NFIC: variants seen among roughly 807,000 people sequenced by gnomAD.
NFIC encodes the protein nuclear factor I C, also known as nuclear factor 1 C-type.
NFIC carries 12 observed loss-of-function variants against 54.4 expected under a neutral mutation model. The ratio of observed to expected loss-of-function variants is 0.22; its 90% CI spans 0.14 to 0.36. The LOEUF (loss-of-function observed/expected upper bound fraction) is 0.36, where lower values mean the gene tolerates loss of function less well. NFIC is among the 10% of genes least tolerant of loss of function. The pLI is 1.00. For missense variants in NFIC, 575 were observed against 718.2 expected, an observed-to-expected ratio of 0.80 and a Z score of 2.28; for synonymous variants, 322 against 319.2, an observed-to-expected ratio of 1.01 and a Z score of -0.09.
At chr19:3,363,267 ATATTTT>A (rs1350799610), upstream of NFIC, among the ~76,000 whole-genome samples, 94 of 47,028 alleles carry the variant, frequency 2.0e-3, no homozygotes, top group African/African-American at 8.3e-3. Context: ...ATATATATAT[ATATTTT>A]TTTTTTTTTT....
rs186795253 is a variant in NFIC at position 3,368,040 on chromosome 19, C to T, written c.30+1374C>T. On this transcript the variant is annotated intron_variant, in intron 1 of 10. Transcript: ENST00000443272. ...GACCTTGGGTAAGTCCCTGTCCCAG[C>T]CTCAGTTTCCCTTTCTGAGCAGCTT... Among the ~76,000 whole-genome samples, 12 of 149,902 alleles carry T rather than the reference C, an allele frequency of 8.0e-5. No individual in the cohort carries two copies. In the East Asian group the frequency reaches 2.0e-3, roughly 25 times the overall value.
chr19:3,404,596 C>A (rs1174957847), intron 2 of NFIC, among the ~76,000 whole-genome samples: 1 of 152,046 alleles, frequency 6.6e-6, no homozygotes, highest in Non-Finnish European at 1.5e-5. Context: ...TGTCCCCCCA[C>A]CCCCACCCCA....
chr19:3,387,726 A>T (rs895945301), intron 2 of NFIC, among the ~76,000 whole-genome samples: 1 of 150,816 alleles, frequency 6.6e-6, no homozygotes, highest in Non-Finnish European at 1.5e-5. Context: ...GGAGCAGCAC[A>T]TGGAGCTGGC....
At chr19:3,398,176 G>A (rs2081495533) in intron 2 of NFIC, among the ~76,000 whole-genome samples, 1 of 152,194 alleles carries the variant, frequency 6.6e-6, no homozygotes, top group Non-Finnish European at 1.5e-5. Flanking sequence ...CTTGCTCCGT[G>A]CCTCAGTTTC....
chr19:3,444,530 C>T (rs936184326), intron 6 of NFIC, among the ~76,000 whole-genome samples: 14 of 152,168 alleles, frequency 9.2e-5, no homozygotes, highest in Non-Finnish European at 1.6e-4. Context: ...AGTCAGTGTC[C>T]GTAGAGCCTG....
intron 2 of NFIC, among the ~76,000 whole-genome samples, chr19:3,416,950 C>CA (rs2081866344): frequency 6.7e-6 from 1 of 150,280 alleles, no homozygotes; most frequent in Non-Finnish European, 1.5e-5. Flanking sequence ...GTGGCGCGAT[C>CA]TCGGCTCACT....
Position 3,463,390 on chromosome 19 carries a change from C to T in NFIC, c.*621C>T. On this transcript the variant is annotated 3_prime_UTR_variant, in exon 11 of 11. Transcript: ENST00000443272. ...GGGCAGCGGAGACCGCAGAGGCGGG[C>T]AGGGTGGGGCAGGCGAGTGGTGTCG... 1 of 985,716 alleles carries T rather than the reference C, an allele frequency of 1.0e-6. No individual in the cohort carries two copies. The highest frequency in any genetic ancestry group is 1.2e-6 in the Non-Finnish European group (1 of 830,172). The allele number at this position is 985,716 out of a possible 1,614,324, so 61.1% of individuals were successfully genotyped here. A position where few individuals can be genotyped will look rare whatever the true frequency, so the allele number is the denominator to read the frequency against.
chr19:3,373,997 C>T (rs540091485), intron 1 of NFIC, among the ~76,000 whole-genome samples: 3 of 152,306 alleles, frequency 2.0e-5, no homozygotes, highest in South Asian at 4.1e-4. Flanking sequence ...GGACCATGGA[C>T]AAGTCATCCG....
intron 10 of NFIC, 192 bp downstream of exon 10, chr19:3,456,827 G>T: frequency 1.6e-6 from 1 of 619,244 alleles, no homozygotes; most frequent in South Asian, 1.9e-5. Context: ...CCTCCACCTT[G>T]GTCCTGGGGG....
In NFIC at chr19:3,456,554, C is replaced by T. The variant is rs1233414699; in HGVS notation, c.1428C>T (p.Tyr476=). 3 of 1,552,060 alleles carry T rather than the reference C, an allele frequency of 1.9e-6. No homozygotes were observed. Among genetic ancestry groups the T allele is most frequent in the Non-Finnish European group, 2.6e-6 (3 of 1,147,206 alleles). Reference sequence around the variant, plus strand: ...CGGTCTCTCTCCTCCCTGCAGCCTACTCTCCGCCCGACACGTCCCCTGCAA... The same window carrying T: ...CGGTCTCTCTCCTCCCTGCAGCCTATTCTCCGCCCGACACGTCCCCTGCAA... ...GGATSPTSPS[Y]SPPDTSPANR... The change falls in exon 10 of 11, where the codon TAC becomes TAT. Residue 476 remains tyrosine (Y), a synonymous_variant. Transcript: ENST00000443272.
At chr19:3,391,581 G>A (rs1441539649) in intron 2 of NFIC, among the ~76,000 whole-genome samples, 1 of 152,064 alleles carries the variant, frequency 6.6e-6, no homozygotes, top group African/African-American at 2.4e-5. Context: ...CAGACCACTT[G>A]AGGTCAAGAG....
At chr19:3,442,236 C>A (rs1025709016) in intron 6 of NFIC, among the ~76,000 whole-genome samples, 5 of 152,246 alleles carry the variant, frequency 3.3e-5, no homozygotes, top group African/African-American at 1.2e-4. Context: ...TGCCTTGGAG[C>A]AGCCCCCACT....
intron 2 of NFIC, among the ~76,000 whole-genome samples, chr19:3,393,816 CA>C (rs35101011): frequency 1.8e-3 from 98 of 55,724 alleles, no homozygotes; most frequent in African/African-American, 4.1e-3. Flanking sequence ...GACTCTGTCT[CA>C]AAAAAAAAAA....
At chr19:3,430,931 C>CAAAAAAAAAAAAAAAAAAAAA (rs59760975) in intron 3 of NFIC, among the ~76,000 whole-genome samples, 1 of 80,178 alleles carries the variant, frequency 1.2e-5, no homozygotes. Flanking sequence ...GACTCCGTCT[C>CAAAAAAAAAAAAAAAAAAAAA]AAAAAAAAAA....
chr19:3,375,368 C>T lies in NFIC; in HGVS notation c.31-6344C>T, dbSNP rs1455750994. ...CCTCTCTGCCGCGTCCCACTGTGCCCCCCACCACCCCCACTGCCCGGCTTC... is the reference window on the plus strand; with the variant it reads ...CCTCTCTGCCGCGTCCCACTGTGCCTCCCACCACCCCCACTGCCCGGCTTC... On this transcript the variant is annotated intron_variant, in intron 1 of 10. Transcript: ENST00000443272. This position sits in a 1 kb window ranked among gnomAD's most constrained non-coding sequence, Gnocchi z 4.6. 2.0e-5 allele frequency among the ~76,000 whole-genome samples: 3 copies of T among 152,212 alleles called. No individual in the cohort carries two copies. Among genetic ancestry groups the T allele is most frequent in the African/African-American group, 7.2e-5 (3 of 41,464 alleles).
rs985456770 is a variant in NFIC, at chr19:3,427,148, G to A, written c.634+1971G>A. Among the ~76,000 whole-genome samples, 117 of 151,832 alleles carry A rather than the reference G, an allele frequency of 7.7e-4. 1 individual carries two copies. Among genetic ancestry groups the A allele is most frequent in the Non-Finnish European group, 5.2e-4 (35 of 67,960 alleles). On this transcript the variant is annotated intron_variant, in intron 3 of 10. Transcript: ENST00000443272. Reference sequence around the variant, plus strand: ...TCACCGTGGTAGCCAGGATGGTCTCGATCTCCTGACCCTGTGATGCACCCG... The same window carrying A: ...TCACCGTGGTAGCCAGGATGGTCTCAATCTCCTGACCCTGTGATGCACCCG...
At chr19:3,422,582 T>C (rs958341790) in intron 2 of NFIC, among the ~76,000 whole-genome samples, 29 of 151,532 alleles carry the variant, frequency 1.9e-4, no homozygotes, top group African/African-American at 5.6e-4. Context: ...CCGGGCGTGG[T>C]GGCGGGTGCC....
chr19:3,443,066 C>A (rs2145656422), intron 6 of NFIC, among the ~76,000 whole-genome samples: 1 of 152,230 alleles, frequency 6.6e-6, no homozygotes, highest in East Asian at 1.9e-4. Context: ...GTGCCCAGGA[C>A]AGCCCCTCCC....
intron 2 of NFIC, among the ~76,000 whole-genome samples, chr19:3,414,440 CAA>C (rs1374913418): frequency 6.6e-6 from 1 of 151,786 alleles, no homozygotes; most frequent in African/African-American, 2.4e-5. Flanking sequence ...ACTAAAAATA[CAA>C]AAATTAGCTG....
Sources: allele counts gnomAD v4.1 joint callset (sites outside exome capture counted in the v4.1 genomes callset), GRCh38; gene constraint gnomAD v4.1.1; non-coding constraint Gnocchi (gnomAD v3.1); transcripts MANE v1.5; gene names NCBI Gene and HGNC (gene_info 2026-07-23, HGNC 2026-07-21).